NUAK1: variants seen among roughly 807,000 people sequenced by gnomAD.
NUAK1 encodes the protein NUAK family SNF1-like kinase 1.
A neutral mutation model predicts 56.9 loss-of-function variants in NUAK1; 26 were observed. That is an observed-to-expected ratio of 0.46 (90% CI 0.33 to 0.63). The LOEUF (loss-of-function observed/expected upper bound fraction) is 0.63. Ranked by LOEUF, NUAK1 falls within the 30% of genes least tolerant of loss-of-function variation. The probability of loss-of-function intolerance (pLI) is 0.02; values close to 1 mark genes in which losing one functional copy is unlikely to be tolerated. For synonymous variants in NUAK1, 337 were observed against 336.0 expected (o/e 1.00, Z -0.03); for missense variants, 727 against 876.1 (o/e 0.83, Z 2.15).
chr12:106,106,422 A>G lies in NUAK1; in HGVS notation c.344T>C (p.Ile115Thr). 6.2e-7 allele frequency: 1 copy of G among 1,609,998 alleles called. No individual in the cohort carries two copies. The highest frequency in any genetic ancestry group is 8.5e-7 in the Non-Finnish European group (1 of 1,178,680). ...EIMSSLNHPH[I>T]ISIYEVFENK... The stretch of plus-strand genomic sequence containing the variant: ...TCACTGACCTTCATAAATACTGATG[A>G]TATGAGGATGGTTGAGAGATGACAT... Residue 115 changes from isoleucine (I) to threonine (T), a missense_variant, in exon 2 of 7, where the codon ATC (isoleucine) becomes ACC (threonine). Physicochemically the swap from Ile to Thr is moderately conservative, Grantham distance 89 (BLOSUM62 -1). Transcript: ENST00000261402.
intron 2 of NUAK1, among the ~76,000 whole-genome samples, chr12:106,097,399 A>G (rs2032705977): frequency 6.6e-6 from 1 of 152,278 alleles, no homozygotes; most frequent in Admixed American, 6.5e-5. Context: ...AAAGTGCTCA[A>G]TACCTTTTTG....
chr12:106,107,706 A>G (rs1262248870), intron 1 of NUAK1, among the ~76,000 whole-genome samples: 1 of 152,250 alleles, frequency 6.6e-6, no homozygotes, highest in Non-Finnish European at 1.5e-5. Context: ...ATTCACTTTT[A>G]GGAGCACGTG....
chr12:106,115,847 G>A (rs1482668669), intron 1 of NUAK1, among the ~76,000 whole-genome samples: 1 of 152,172 alleles, frequency 6.6e-6, no homozygotes, highest in Non-Finnish European at 1.5e-5. Flanking sequence ...GGGGTCTGTG[G>A]TCATCTTGGA....
intron 2 of NUAK1, among the ~76,000 whole-genome samples, chr12:106,099,256 T>C (rs1257214434): frequency 1.3e-5 from 2 of 152,202 alleles, no homozygotes; most frequent in African/African-American, 4.8e-5. Context: ...ATCACTTCAG[T>C]GAAGTCACAG....
chr12:106,084,097 GC>G (rs1318587867), intron 3 of NUAK1, 168 bp from the exon 4 acceptor site: 13 of 610,982 alleles, frequency 2.1e-5, no homozygotes, highest in Non-Finnish European at 3.2e-5. Flanking sequence ...CTGTCTTGAC[GC>G]TCCCCCGCCA....
intron 2 of NUAK1, among the ~76,000 whole-genome samples, chr12:106,101,705 C>T (rs1363848566): frequency 1.3e-5 from 2 of 152,190 alleles, no homozygotes; most frequent in Non-Finnish European, 2.9e-5. Context: ...ATACATCCAG[C>T]AAGTCATTAA....
In NUAK1 at chr12:106,067,048, G is replaced by A. The variant is rs540753037; in HGVS notation, c.1740C>T (p.Ser580=). 37 of 1,614,224 alleles carry A rather than the reference G, an allele frequency of 2.3e-5. No homozygotes were observed. Among genetic ancestry groups the A allele is most frequent in the Admixed American group, 6.7e-5 (4 of 60,024 alleles). Residue 580 remains serine, a synonymous_variant, in exon 7 of 7, where the codon AGC becomes AGT. Transcript: ENST00000261402. This position sits in a 1 kb window ranked among gnomAD's most constrained non-coding sequence, Gnocchi z 6.0. Reference sequence around the variant, plus strand: ...GCAAATCCAGCAAGTCAAAAGAGTCGCTGGACAGCACGCTGTCATCGCTGA... The same window carrying A: ...GCAAATCCAGCAAGTCAAAAGAGTCACTGGACAGCACGCTGTCATCGCTGA... The part of the protein sequence containing the change: ...SVISDDSVLS[S]DSFDLLDLQE...
intron 2 of NUAK1, among the ~76,000 whole-genome samples, chr12:106,101,914 G>C (rs1223921544): frequency 1.3e-5 from 2 of 152,184 alleles, no homozygotes; most frequent in East Asian, 3.8e-4. Flanking sequence ...AGCAGATAAA[G>C]TCATGGGATC....
At chr12:106,124,114 G>T (rs2033003795) in intron 1 of NUAK1, among the ~76,000 whole-genome samples, 1 of 152,116 alleles carries the variant, frequency 6.6e-6, no homozygotes, top group East Asian at 1.9e-4. Context: ...GGGGTTGGGG[G>T]AAAGGAAGAG....
chr12:106,103,453 C>A (rs73193855), intron 2 of NUAK1: 27,647 of 152,156 alleles, frequency 0.18, 2,750 homozygotes, highest in Admixed American at 0.23. Flanking sequence ...TGTCTCTCTA[C>A]TCACTTCCAA....
At position 106,129,650 on chromosome 12, in the gene NUAK1, C is replaced by T. The variant is rs183455800; in HGVS notation, c.240+8764G>A. On this transcript the variant is annotated intron_variant, in intron 1 of 6. Transcript: ENST00000261402. The stretch of plus-strand genomic sequence containing the variant: ...ATGGGAGGATTTTAAGCATGGAGAG[C>T]CATGAGCCAAGATAAGAAGGTCACT... Among the ~76,000 whole-genome samples, 495 of 152,266 alleles carry T rather than the reference C, an allele frequency of 3.3e-3. 1 individual carries two copies. The highest frequency in any genetic ancestry group is 0.017 in the Middle Eastern group (5 of 294).
intron 6 of NUAK1, among the ~76,000 whole-genome samples, chr12:106,069,300 C>G (rs919973859): frequency 6.6e-6 from 1 of 152,242 alleles, no homozygotes; most frequent in Non-Finnish European, 1.5e-5. Flanking sequence ...AGGCAACACT[C>G]TGCCTTCTTA....
chr12:106,138,676 G>T lies in NUAK1; in HGVS notation c.-23C>A. On this transcript the variant is annotated 5_prime_UTR_variant, in exon 1 of 7. Coordinates refer to ENST00000261402, the MANE Select transcript of NUAK1 (RefSeq NM_014840.3). This position sits in a 1 kb window ranked among gnomAD's most constrained non-coding sequence, Gnocchi z 5.0. ...CATGTCCAAGCGCGGGGCGAGCCGG[G>T]CTACAGAGGGCAAGACCGGGCACAG... The T allele has an allele frequency of 6.7e-7, 1 of 1,495,706 alleles. No homozygotes were observed. Among genetic ancestry groups the T allele is most frequent in the Non-Finnish European group, 8.8e-7 (1 of 1,132,410 alleles). 92.7% of individuals were successfully genotyped at this position (1,495,706 alleles called of 1,614,324 possible). A position where few individuals can be genotyped will look rare whatever the true frequency, so the allele number is the denominator to read the frequency against.
At chr12:106,076,196 T>C (rs1042650157) in intron 4 of NUAK1, among the ~76,000 whole-genome samples, 1 of 152,204 alleles carries the variant, frequency 6.6e-6, no homozygotes, top group Non-Finnish European at 1.5e-5. Flanking sequence ...CCCTAACAGA[T>C]GTTAATCCTG....
At chr12:106,089,690 G>A (rs1005064272) in intron 2 of NUAK1, among the ~76,000 whole-genome samples, 2 of 152,202 alleles carry the variant, frequency 1.3e-5, no homozygotes, top group African/African-American at 4.8e-5. Flanking sequence ...TGGGGAGGCT[G>A]AGGCAGGACA....
rs137974290 is a variant in NUAK1, at chr12:106,092,246, T to C, written c.362-5361A>G. On this transcript the variant is annotated intron_variant, in intron 2 of 6. Transcript: ENST00000261402. ...TAAAAACTGGAGTCATAGCCGGGCG[T>C]GGTGGCTCATGCCTGTAATCCCAGC... Among the ~76,000 whole-genome samples the C allele has an allele frequency of 5.3e-5, 8 of 152,128 alleles. No homozygotes were observed. In the East Asian group the frequency reaches 1.5e-3, roughly 29 times the overall value.
rs201685343 is a variant in NUAK1 at position 106,066,984 on chromosome 12, C to T, written c.1804G>A (p.Val602Ile). 3.6e-5 allele frequency: 58 copies of T among 1,614,108 alleles called. No homozygotes were observed. The highest frequency in any genetic ancestry group is 8.9e-5 in the East Asian group (4 of 44,890). The change falls in exon 7 of 7, where the codon GTC becomes ATC. Residue 602 changes from valine to isoleucine, a missense_variant. Transcript: ENST00000261402. ...RPARQRIRSC[V>I]SAENFLQIQD... ...ATCTGGAGGAAGTTTTCTGCAGAGA[C>T]GCAGCTGCGGATGCGCTGGCGGGCA...
chr12:106,127,939 C>G (rs919177475), intron 1 of NUAK1, among the ~76,000 whole-genome samples: 2 of 152,022 alleles, frequency 1.3e-5, no homozygotes, highest in African/African-American at 4.8e-5. Flanking sequence ...GGCCTCCTTC[C>G]AAAACTTAGA....
intron 2 of NUAK1, among the ~76,000 whole-genome samples, chr12:106,096,549 G>A (rs1029853649): frequency 2.0e-5 from 3 of 152,174 alleles, no homozygotes; most frequent in Non-Finnish European, 2.9e-5. Flanking sequence ...TGGCGGCAGA[G>A]GGAGTGTGTT....
Sources: gnomAD v4.1 joint callset for allele counts (sites outside exome capture counted in the v4.1 genomes callset) on GRCh38, gnomAD v4.1.1 for gene constraint, Gnocchi (gnomAD v3.1) non-coding constraint, MANE v1.5 for transcripts, NCBI Gene and HGNC (gene_info 2026-07-23, HGNC 2026-07-21) for gene names.